OR9Q1: variants seen among roughly 807,000 people sequenced by gnomAD.
OR9Q1 encodes olfactory receptor family 9 subfamily Q member 1, also known as olfactory receptor 9Q1.
For synonymous variants in OR9Q1, 153 were observed against 148.6 expected (o/e 1.03, Z -0.22); for missense variants, 374 against 378.8 (o/e 0.99, Z 0.11).
intron 1 of OR9Q1, among the ~76,000 whole-genome samples, chr11:58,029,415 G>C (rs907283897): frequency 1.3e-5 from 2 of 152,294 alleles, no homozygotes; most frequent in Admixed American, 1.3e-4. Context: ...ACCTGGCACA[G>C]CATCACTTCC....
At chr11:58,059,868 C>T (rs1362981737) in intron 2 of OR9Q1, 1 of 152,034 alleles carries the variant, frequency 6.6e-6, no homozygotes, top group East Asian at 1.9e-4. Context: ...CAGCAGTCAG[C>T]TTAAATGATA....
intron 2 of OR9Q1, chr11:58,119,430 A>G (rs775633712): frequency 3.1e-6 from 5 of 1,606,510 alleles, no homozygotes; most frequent in Non-Finnish European, 4.3e-6. Flanking sequence ...CTCTGGTGAG[A>G]TTATTCTTGG....
intron 2 of OR9Q1, among the ~76,000 whole-genome samples, chr11:58,106,291 C>T (rs1853839646): frequency 6.6e-6 from 1 of 151,320 alleles, no homozygotes; most frequent in South Asian, 2.1e-4. Context: ...GTTTGTAGGT[C>T]TTCTTTGTAT....
chr11:58,165,875 T>C (rs1160899033), intron 2 of OR9Q1, among the ~76,000 whole-genome samples: 1 of 152,256 alleles, frequency 6.6e-6, no homozygotes, highest in Non-Finnish European at 1.5e-5. Flanking sequence ...TACAAAATTA[T>C]GTACCTTCAA....
At chr11:58,079,409 C>A (rs1213965108) in intron 2 of OR9Q1, among the ~76,000 whole-genome samples, 1 of 152,112 alleles carries the variant, frequency 6.6e-6, no homozygotes, top group African/African-American at 2.4e-5. Context: ...AAATTATATA[C>A]TTTTTAGAGT....
intron 1 of OR9Q1, among the ~76,000 whole-genome samples, chr11:58,037,689 ATTTTTTTTTTTTTTT>A (rs554392577): frequency 5.7e-4 from 4 of 6,984 alleles, no homozygotes; most frequent in African/African-American, 1.7e-3. Context: ...ATATATATAT[ATTTTTTTTTTTTTTT>A]TTTTTTTTTT....
intron 2 of OR9Q1, among the ~76,000 whole-genome samples, chr11:58,142,248 CA>C (rs1854256939): frequency 1.3e-5 from 2 of 151,958 alleles, no homozygotes; most frequent in South Asian, 4.2e-4. Context: ...ATATATATGC[CA>C]GGCTCCACGA....
At chr11:58,103,779 G>A (rs1332551221) in intron 2 of OR9Q1, among the ~76,000 whole-genome samples, 1 of 152,198 alleles carries the variant, frequency 6.6e-6, no homozygotes, top group Non-Finnish European at 1.5e-5. Context: ...ATGGGGCCTA[G>A]GATGTCAATT....
chr11:58,029,153 C>T (rs1315684133), intron 1 of OR9Q1, among the ~76,000 whole-genome samples: 1 of 152,160 alleles, frequency 6.6e-6, no homozygotes. Flanking sequence ...GGGGAGGGCT[C>T]AGAAGGGAAG....
In OR9Q1 at chr11:58,150,549, G is replaced by T. The variant is rs1485321597; in HGVS notation, c.-14-28882G>T. Among the ~76,000 whole-genome samples, 10 of 152,232 alleles carry T rather than the reference G, an allele frequency of 6.6e-5. 1 individual carries two copies. The highest frequency in any genetic ancestry group is 6.8e-3 in the Middle Eastern group (2 of 294). On this transcript the variant is annotated intron_variant, in intron 2 of 2. Coordinates refer to ENST00000335397, the MANE Select transcript of OR9Q1 (RefSeq NM_001005212.4). ...AACGATGGATCACACATCAATGACGGTTCCATGAGGTTATAATGGAGCTGA... is the reference window on the plus strand; with the variant it reads ...AACGATGGATCACACATCAATGACGTTTCCATGAGGTTATAATGGAGCTGA...
chr11:58,133,446 C>T (rs1326794992), intron 2 of OR9Q1, among the ~76,000 whole-genome samples: 2 of 152,188 alleles, frequency 1.3e-5, no homozygotes, highest in Admixed American at 6.5e-5. Flanking sequence ...CCCTCTGGCG[C>T]TCAGGGTGGG....
At chr11:58,167,127 G>A (rs1288182573) in intron 2 of OR9Q1, among the ~76,000 whole-genome samples, 1 of 152,180 alleles carries the variant, frequency 6.6e-6, no homozygotes, top group Non-Finnish European at 1.5e-5. Flanking sequence ...AGTATTTGCA[G>A]CAATGTGGAT....
chr11:58,095,622 C>T (rs1048795953), intron 2 of OR9Q1, among the ~76,000 whole-genome samples: 5 of 151,984 alleles, frequency 3.3e-5, no homozygotes, highest in Admixed American at 2.6e-4. Context: ...GGGAGAAACC[C>T]CTTATAAAAC....
intron 2 of OR9Q1, among the ~76,000 whole-genome samples, chr11:58,155,463 G>A (rs1854399234): frequency 6.6e-6 from 1 of 152,176 alleles, no homozygotes; most frequent in African/African-American, 2.4e-5. Flanking sequence ...TTAAGGAAGT[G>A]CTCACTCTCA....
In OR9Q1 at chr11:58,066,741, C is replaced by T. The variant is rs186328852; in HGVS notation, c.-15+10794C>T. On this transcript the variant is annotated intron_variant, in intron 2 of 2. Transcript: ENST00000335397. ...CTCTGTTCTTCTGGTGACCCTGCAC[C>T]AGGGTCTGTGTTTATGAAGAAGTCA... Among the ~76,000 whole-genome samples, 52 of 152,280 alleles carry T rather than the reference C, an allele frequency of 3.4e-4. No homozygotes were observed. In the East Asian group the frequency reaches 8.9e-3, roughly 26 times the overall value.
intron 2 of OR9Q1, among the ~76,000 whole-genome samples, chr11:58,138,389 C>T (rs1166079972): frequency 6.6e-6 from 1 of 152,128 alleles, no homozygotes; most frequent in Non-Finnish European, 1.5e-5. Context: ...GTAGCTTACC[C>T]ACTTTGAGTC....
intron 2 of OR9Q1, among the ~76,000 whole-genome samples, chr11:58,165,975 T>G (rs562241347): frequency 2.2e-4 from 34 of 152,216 alleles, no homozygotes; most frequent in Non-Finnish European, 4.0e-4. Context: ...ATTTACAAAT[T>G]TCTTCTCCGA....
intron 2 of OR9Q1, 109 bp from the exon 3 acceptor site, chr11:58,179,322 C>T: frequency 1.5e-6 from 1 of 684,562 alleles, no homozygotes; most frequent in South Asian, 2.2e-5. Flanking sequence ...CAGCACCTGG[C>T]ACACCTGGCA....
At chr11:58,027,583 C>A (rs1023939538) in intron 1 of OR9Q1, among the ~76,000 whole-genome samples, 14 of 152,062 alleles carry the variant, frequency 9.2e-5, no homozygotes, top group African/African-American at 2.9e-4. Flanking sequence ...ATTGGGTAAT[C>A]CCTGCTCCAG....
Sources: gnomAD v4.1 joint callset for allele counts (sites outside exome capture counted in the v4.1 genomes callset) on GRCh38, gnomAD v4.1.1 for gene constraint, MANE v1.5 for transcripts, NCBI Gene and HGNC (gene_info 2026-07-23, HGNC 2026-07-21) for gene names.